CFAP210: variants seen among roughly 807,000 people sequenced by gnomAD.
CFAP210 encodes the protein cilia and flagella associated protein 210, also known as cilia- and flagella- associated protein 210.
the CFAP210 span, chr2:169,694,400 T>A: frequency 6.9e-7 from 1 of 1,450,974 alleles, no homozygotes; most frequent in Non-Finnish European, 9.6e-7. Flanking sequence ...TTGTTACTCG[T>A]ACCACGCGGT....
chr2:169,682,232 G>A, the CFAP210 span, among the ~76,000 whole-genome samples: 6 of 152,088 alleles, frequency 3.9e-5, no homozygotes, highest in African/African-American at 1.4e-4. Context: ...AGGCAGAAAA[G>A]GAATTAATTA....
chr2:169,689,757 AG>A, the CFAP210 span, among the ~76,000 whole-genome samples: 1 of 152,190 alleles, frequency 6.6e-6, no homozygotes. Flanking sequence ...CTCCTTCATC[AG>A]GTTAAGAAAA....
chr2:169,655,184 G>A, the CFAP210 span, among the ~76,000 whole-genome samples: 1 of 152,132 alleles, frequency 6.6e-6, no homozygotes, highest in Admixed American at 6.5e-5. Context: ...GTTGCCCAGG[G>A]TGCAGTGGCA....
chr2:169,650,482 C>T, the CFAP210 span: 1 of 1,590,208 alleles, frequency 6.3e-7, no homozygotes, highest in Admixed American at 1.8e-5. Context: ...ACAGTTCACT[C>T]AGGAAGTTAT....
chr2:169,651,011 G>A, the CFAP210 span, among the ~76,000 whole-genome samples: 3 of 151,266 alleles, frequency 2.0e-5, no homozygotes, highest in South Asian at 4.2e-4. Flanking sequence ...AGCACATCAC[G>A]AGGTCAGGAG....
chr2:169,683,749 TTAG>T, the CFAP210 span, among the ~76,000 whole-genome samples: 1 of 152,166 alleles, frequency 6.6e-6, no homozygotes, highest in Non-Finnish European at 1.5e-5. Flanking sequence ...TCTCAAATCT[TTAG>T]TAGAGTTAAC....
the CFAP210 span, among the ~76,000 whole-genome samples, chr2:169,667,452 T>C: frequency 2.4e-3 from 369 of 152,280 alleles, 2 homozygotes; most frequent in Middle Eastern, 0.017. Context: ...ATGTTCTTAA[T>C]GGCAACTGGA....
chr2:169,692,444 G>GCA, the CFAP210 span, among the ~76,000 whole-genome samples: 13,864 of 143,556 alleles, frequency 0.097, 649 homozygotes, highest in East Asian at 0.13. Context: ...ACAGGCGCAC[G>GCA]CACACACACA....
At chr2:169,679,841 T>A in the CFAP210 span, among the ~76,000 whole-genome samples, 2 of 152,266 alleles carry the variant, frequency 1.3e-5, no homozygotes, top group South Asian at 4.1e-4. Flanking sequence ...AGAAAATCTT[T>A]GTGACATTAG....
At chr2:169,677,919 C>G in the CFAP210 span, among the ~76,000 whole-genome samples, 1 of 152,056 alleles carries the variant, frequency 6.6e-6, no homozygotes, top group Non-Finnish European at 1.5e-5. Flanking sequence ...CTAAAGCTAA[C>G]AATAGCAGAT....
the CFAP210 span, among the ~76,000 whole-genome samples, chr2:169,688,376 C>T: frequency 6.6e-6 from 1 of 152,180 alleles, no homozygotes; most frequent in Non-Finnish European, 1.5e-5. Flanking sequence ...AAACTGAATG[C>T]TCTTAACAGT....
the CFAP210 span, among the ~76,000 whole-genome samples, chr2:169,650,734 C>CTGTGTGTGTGTGTGTGTGTGTG: frequency 1.5e-4 from 22 of 147,108 alleles, no homozygotes; most frequent in African/African-American, 3.3e-4. Context: ...TATGTATAAT[C>CTGTGTGTGTGTGTGTGTGTGTG]TGTGTGTGTG....
At chr2:169,662,171 C>G in the CFAP210 span, 5 of 1,182,544 alleles carry the variant, frequency 4.2e-6, no homozygotes, top group Non-Finnish European at 6.1e-6. Flanking sequence ...ATGCATGGGT[C>G]AAAATACCAC....
chr2:169,688,524 G>A, the CFAP210 span, among the ~76,000 whole-genome samples: 1 of 152,162 alleles, frequency 6.6e-6, no homozygotes, highest in African/African-American at 2.4e-5. Context: ...CCTCTTGAAT[G>A]CTTTGCTGCT....
chr2:169,691,681 T>C, the CFAP210 span, among the ~76,000 whole-genome samples: 3 of 152,246 alleles, frequency 2.0e-5, no homozygotes, highest in South Asian at 2.1e-4. Context: ...GTTTGGGTCA[T>C]ACTTTATTTC....
At chr2:169,649,408 A>C in the CFAP210 span, 1 of 1,457,384 alleles carries the variant, frequency 6.9e-7, no homozygotes, top group Admixed American at 1.9e-5. Context: ...CTTGTCTGAA[A>C]AGGCACAGAG....
At chr2:169,671,128 C>T in the CFAP210 span, among the ~76,000 whole-genome samples, 10 of 152,288 alleles carry the variant, frequency 6.6e-5, no homozygotes, top group East Asian at 1.9e-4. Flanking sequence ...CACCATGAGC[C>T]GATCCTAGCC....
the CFAP210 span, among the ~76,000 whole-genome samples, chr2:169,686,690 C>T: frequency 2.0e-5 from 3 of 152,234 alleles, no homozygotes; most frequent in African/African-American, 7.2e-5. Context: ...CAGCAAGACC[C>T]CATTTCTAAT....
chr2:169,674,883 C>T, the CFAP210 span: 1 of 1,516,548 alleles, frequency 6.6e-7, no homozygotes, highest in Non-Finnish European at 8.8e-7. Flanking sequence ...GTTTTTCACT[C>T]TTTCTGTCTG....
Sources: gnomAD v4.1 joint callset for allele counts (sites outside exome capture counted in the v4.1 genomes callset) on GRCh38, gnomAD v4.1.1 for gene constraint, MANE v1.5 for transcripts, NCBI Gene and HGNC (gene_info 2026-07-23, HGNC 2026-07-21) for gene names.